Variants in CLCA4 observed in about 807,000 individuals in gnomAD.
The protein encoded by CLCA4 is chloride channel accessory 4, also known as calcium-activated chloride channel regulator 4.
A neutral mutation model predicts 78.9 loss-of-function variants in CLCA4; 69 were observed. That is an observed-to-expected ratio of 0.87 (90% CI 0.72 to 1.07). The LOEUF (loss-of-function observed/expected upper bound fraction) is 1.07, where lower values mean the gene tolerates loss of function less well. CLCA4 is among the 50% of genes least tolerant of loss of function. The pLI, the probability that CLCA4 is intolerant of heterozygous loss-of-function variation, is 0.00. For missense variants in CLCA4, 1,133 were observed against 1,095.8 expected, an observed-to-expected ratio of 1.03 and a Z score of -0.48; for synonymous variants, 362 against 375.8, an observed-to-expected ratio of 0.96 and a Z score of 0.42.
chr1:86,557,818 T>G (rs894382239), intron 1 of CLCA4, among the ~76,000 whole-genome samples: 12 of 152,168 alleles, frequency 7.9e-5, no homozygotes, highest in Non-Finnish European at 1.8e-4. Flanking sequence ...AGTGGGAGTC[T>G]ATGTCTCTTT....
chr1:86,561,105 ATTC>A (rs1650003694), intron 3 of CLCA4, among the ~76,000 whole-genome samples: 1 of 152,168 alleles, frequency 6.6e-6, no homozygotes, highest in African/African-American at 2.4e-5. Context: ...TCTGCCAAAC[ATTC>A]AGCTAGATCT....
At chr1:86,579,801 C>T in intron 13 of CLCA4, 141 bp from the exon 14 acceptor site, 1 of 720,660 alleles carries the variant, frequency 1.4e-6, no homozygotes, top group East Asian at 2.7e-5. Flanking sequence ...GAGCTTAAGA[C>T]CAGAATTCAG....
chr1:86,560,180 G>A (rs777810951), intron 2 of CLCA4, 31 bp from the exon 3 acceptor site: 3 of 1,574,338 alleles, frequency 1.9e-6, no homozygotes, highest in Non-Finnish European at 2.6e-6. Flanking sequence ...TTTTATTTTT[G>A]ATGTTTGACA....
At chr1:86,568,573 A>T (rs537124560) in intron 7 of CLCA4, among the ~76,000 whole-genome samples, 1 of 151,920 alleles carries the variant, frequency 6.6e-6, no homozygotes, top group South Asian at 2.1e-4. Flanking sequence ...ATTACTAAAA[A>T]GTCTCCCCCG....
chr1:86,580,212 ATCCTACACCTACTCCTAC>A lies in CLCA4; in HGVS notation c.2634_2651del (p.Thr882_Pro887del), dbSNP rs762442999. The A allele has an allele frequency of 2.6e-6, 4 of 1,535,854 alleles. No homozygotes were observed. Among genetic ancestry groups the A allele is most frequent in the African/African-American group, 3.7e-5 (2 of 54,690 alleles). On this transcript the variant is annotated inframe_deletion, in exon 14 of 14. Transcript: ENST00000370563. ...CCTCAAGCAAATCCTGATGACATTG[ATCCTACACCTACTCCTAC>A]TCCTACTCCTACTCCTGATAAAAGT...
At chr1:86,577,384 G>C (rs1225683907) in intron 11 of CLCA4, among the ~76,000 whole-genome samples, 2 of 152,034 alleles carry the variant, frequency 1.3e-5, no homozygotes, top group Non-Finnish European at 2.9e-5. Flanking sequence ...ACAGAATGCT[G>C]GGACCTTTCC....
At chr1:86,577,840 C>A in intron 11 of CLCA4, 62 bp from the exon 12 acceptor site, 1 of 1,440,154 alleles carries the variant, frequency 6.9e-7, no homozygotes, top group African/African-American at 1.4e-5. Flanking sequence ...AGGCCAATTG[C>A]TTGTCTTAGA....
At position 86,579,599 on chromosome 1, in the gene CLCA4, G is replaced by T. The variant is rs774291657; in HGVS notation, c.2356+12G>T. 15 of 1,482,816 alleles carry T rather than the reference G, an allele frequency of 1.0e-5. No individual in the cohort carries two copies. Among genetic ancestry groups the T allele is most frequent in the South Asian group, 1.0e-4 (9 of 89,428 alleles). The allele number at this position is 1,482,816 out of a possible 1,614,324, so 91.9% of individuals were successfully genotyped here. A position where few individuals can be genotyped will look rare whatever the true frequency, so the allele number is the denominator to read the frequency against. ...TGATGTTGGAAAAGGTAAGGATGAA[G>T]TGTCATGTGATTTTGACTTAAGTAA... is the stretch of plus-strand genomic sequence containing the variant. On this transcript the variant is annotated intron_variant, in intron 13 of 13. Coordinates refer to ENST00000370563, the MANE Select transcript of CLCA4 (RefSeq NM_012128.4).
intron 1 of CLCA4, among the ~76,000 whole-genome samples, chr1:86,559,335 T>A (rs1649945059): frequency 6.6e-6 from 1 of 152,188 alleles, no homozygotes; most frequent in African/African-American, 2.4e-5. Flanking sequence ...CCAACCTAGC[T>A]GCTTCTCCTA....
At chr1:86,576,684 G>C (rs1325568076) in intron 11 of CLCA4, among the ~76,000 whole-genome samples, 1 of 151,972 alleles carries the variant, frequency 6.6e-6, no homozygotes, top group African/African-American at 2.4e-5. Flanking sequence ...AGTAATCCTC[G>C]ACAGCTGGAA....
At chr1:86,572,926 T>TA in intron 9 of CLCA4, 1 of 550,810 alleles carries the variant, frequency 1.8e-6, no homozygotes, top group South Asian at 2.1e-5. Context: ...ACAGCAGACA[T>TA]ACTGTTTCTT....
rs201894845 is a variant in CLCA4, at chr1:86,547,234, G to C, written c.115G>C (p.Asp39His). ...CTTTGAAGATATTGTCATTGTTATAGATCCTAGTGTGCCAGAAGATGAAAA... is the reference window on the plus strand; with the variant it reads ...CTTTGAAGATATTGTCATTGTTATACATCCTAGTGTGCCAGAAGATGAAAA... ...NGFEDIVIVI[D>H]PSVPEDEKII... The change falls in exon 1 of 14, where the codon GAT becomes CAT. Residue 39 changes from aspartate (D) to histidine (H), a missense_variant. Physicochemically the swap from Asp to His is moderately conservative, Grantham distance 81. Coordinates refer to ENST00000370563, the MANE Select transcript of CLCA4 (RefSeq NM_012128.4). The C allele has an allele frequency of 8.6e-5, 139 of 1,607,022 alleles. No homozygotes were observed. Among genetic ancestry groups the C allele is most frequent in the Non-Finnish European group, 1.1e-4 (135 of 1,177,682 alleles).
At chr1:86,572,893 A>G (rs1650397201) in intron 9 of CLCA4, 173 bp downstream of exon 9, 1 of 626,282 alleles carries the variant, frequency 1.6e-6, no homozygotes, top group Non-Finnish European at 2.9e-6. Flanking sequence ...AATTGGTGAA[A>G]TAAGAGTAAA....
intron 7 of CLCA4, among the ~76,000 whole-genome samples, chr1:86,568,664 T>G (rs911549511): frequency 6.6e-6 from 1 of 151,900 alleles, no homozygotes; most frequent in African/African-American, 2.4e-5. Context: ...TCCAAACAAC[T>G]TACTACACAC....
intron 9 of CLCA4, chr1:86,572,945 G>A (rs1650398396): frequency 2.0e-6 from 1 of 506,826 alleles, no homozygotes; most frequent in Non-Finnish European, 3.5e-6. Flanking sequence ...TTTTCCTATT[G>A]CCATGGGTTT....
intron 3 of CLCA4, among the ~76,000 whole-genome samples, chr1:86,562,881 A>G (rs999205321): frequency 7.3e-5 from 11 of 150,910 alleles, no homozygotes; most frequent in African/African-American, 2.4e-4. Flanking sequence ...AGAAGAAGAA[A>G]GAAAAAGAAA....
At chr1:86,567,848 T>G (rs17129337) in intron 7 of CLCA4, among the ~76,000 whole-genome samples, 197 bp downstream of exon 7, 2,160 of 152,114 alleles carry the variant, frequency 0.014, 58 homozygotes, top group African/African-American at 0.049. Context: ...CATGGGTGAA[T>G]AAATGACTAT....
intron 1 of CLCA4, chr1:86,552,558 C>T (rs1649697468): frequency 1.8e-6 from 1 of 551,524 alleles, no homozygotes. Flanking sequence ...GCACCCTCTA[C>T]GGGAGCCAGT....
chr1:86,565,663 G>A lies in CLCA4; in HGVS notation c.736-139G>A, dbSNP rs569459891. The stretch of plus-strand genomic sequence containing the variant: ...CTTATTATGGTAAATCTACCTTATT[G>A]TAATATTGATGCTCAGTAAATGATA... On this transcript the variant is annotated intron_variant, in intron 5 of 13. Transcript: ENST00000370563. The A allele has an allele frequency of 6.4e-6, 4 of 627,736 alleles. No homozygotes were observed. The South Asian group carries it at 1.0e-4, about 16-fold the overall frequency. The allele number at this position is 627,736 out of a possible 1,614,324, so 38.9% of individuals were successfully genotyped here.
Sources: allele counts gnomAD v4.1 joint callset (sites outside exome capture counted in the v4.1 genomes callset), GRCh38; gene constraint gnomAD v4.1.1; transcripts MANE v1.5; gene names NCBI Gene and HGNC (gene_info 2026-07-23, HGNC 2026-07-21).